The following SERTM1 variants were observed in gnomAD, a reference collection of about 807,000 sequenced individuals.
The protein encoded by SERTM1 is serine-rich and transmembrane domain-containing protein 1.
Under a neutral mutation model 5.5 loss-of-function variants are expected in SERTM1, and 1 was observed. That is an observed-to-expected ratio of 0.18 (90% CI 0.06 to 0.86). SERTM1 has a LOEUF of 0.86. SERTM1 is among the 40% of genes least tolerant of loss of function. SERTM1 has a pLI of 0.69. For synonymous variants in SERTM1, 52 were observed against 55.1 expected, an observed-to-expected ratio of 0.94 and a Z score of 0.25; for missense variants, 91 against 122.4, an observed-to-expected ratio of 0.74 and a Z score of 1.21.
rs540355332 is a variant in SERTM1, at chr13:36,678,000, T to C, written c.-174+3816T>C. 7.9e-5 allele frequency among the ~76,000 whole-genome samples: 12 copies of C among 151,820 alleles called. No individual in the cohort carries two copies. In the East Asian group the frequency reaches 2.1e-3, roughly 27 times the overall value. ...AACTTTGAAAAAAAAATGGTAGAAA[T>C]GAACCATTTCAAAGGTTTGTGTTAA... On this transcript the variant is annotated intron_variant, in intron 1 of 1. Coordinates refer to ENST00000315190, the MANE Select transcript of SERTM1 (RefSeq NM_203451.3).
intron 1 of SERTM1, among the ~76,000 whole-genome samples, chr13:36,682,572 A>T (rs1305081948): frequency 1.3e-5 from 2 of 152,186 alleles, no homozygotes; most frequent in African/African-American, 4.8e-5. Flanking sequence ...AGTTAGGGAG[A>T]GGATATGTAC....
chr13:36,691,898 T>C (rs2138098035), intron 1 of SERTM1, among the ~76,000 whole-genome samples: 1 of 152,312 alleles, frequency 6.6e-6, no homozygotes, highest in South Asian at 2.1e-4. Context: ...CTGAGCATTA[T>C]ACAGCTACTG....
intron 1 of SERTM1, among the ~76,000 whole-genome samples, chr13:36,681,710 G>A (rs1186540855): frequency 6.6e-6 from 1 of 152,204 alleles, no homozygotes; most frequent in Non-Finnish European, 1.5e-5. Flanking sequence ...AATTATCATG[G>A]AGTTTAAGAA....
intron 1 of SERTM1, among the ~76,000 whole-genome samples, chr13:36,680,025 C>T (rs1457654590): frequency 1.3e-5 from 2 of 152,148 alleles, no homozygotes; most frequent in Non-Finnish European, 2.9e-5. Context: ...TGTGTTTAGG[C>T]TTGAGTCCCA....
intron 1 of SERTM1, among the ~76,000 whole-genome samples, chr13:36,694,200 G>A (rs2056798216): frequency 6.6e-6 from 1 of 152,184 alleles, no homozygotes; most frequent in South Asian, 2.1e-4. Flanking sequence ...GTTTCCCAAA[G>A]ATAATGGAGA....
chr13:36,686,641 T>C (rs2138091785), intron 1 of SERTM1, among the ~76,000 whole-genome samples: 1 of 152,330 alleles, frequency 6.6e-6, no homozygotes, highest in African/African-American at 2.4e-5. Flanking sequence ...TATGGCTAGA[T>C]ACTTCAATAT....
chr13:36,682,778 G>A (rs1200540797), intron 1 of SERTM1, among the ~76,000 whole-genome samples: 1 of 152,160 alleles, frequency 6.6e-6, no homozygotes, highest in Non-Finnish European at 1.5e-5. Context: ...AATTATAGAT[G>A]CATTAGACTC....
intron 1 of SERTM1, among the ~76,000 whole-genome samples, chr13:36,674,773 G>A (rs998320972): frequency 1.4e-4 from 22 of 152,074 alleles, no homozygotes; most frequent in African/African-American, 5.3e-4. Context: ...GAGTCTTTTC[G>A]CCCGTCTTAG....
intron 1 of SERTM1, among the ~76,000 whole-genome samples, chr13:36,681,686 T>G (rs552020019): frequency 6.6e-6 from 1 of 152,228 alleles, no homozygotes; most frequent in Non-Finnish European, 1.5e-5. Context: ...GGATTTGTGA[T>G]TTTCAAAGGA....
At chr13:36,684,021 G>T (rs1285400090) in intron 1 of SERTM1, among the ~76,000 whole-genome samples, 1 of 152,194 alleles carries the variant, frequency 6.6e-6, no homozygotes, top group Non-Finnish European at 1.5e-5. Context: ...GAGCTTGTGG[G>T]GCGCAGTGGC....
At chr13:36,680,382 T>C (rs1416718824) in intron 1 of SERTM1, among the ~76,000 whole-genome samples, 1 of 152,122 alleles carries the variant, frequency 6.6e-6, no homozygotes, top group East Asian at 1.9e-4. Context: ...TTGGCACATA[T>C]TTTGATTCAT....
At chr13:36,692,142 G>A (rs1018985659) in intron 1 of SERTM1, among the ~76,000 whole-genome samples, 15 of 152,170 alleles carry the variant, frequency 9.9e-5, no homozygotes, top group Non-Finnish European at 1.8e-4. Flanking sequence ...GTTGTGAAAT[G>A]TCAAATAAGG....
At chr13:36,676,651 A>G (rs890312328) in intron 1 of SERTM1, among the ~76,000 whole-genome samples, 1 of 152,156 alleles carries the variant, frequency 6.6e-6, no homozygotes, top group Admixed American at 6.5e-5. Flanking sequence ...AATATTTGTT[A>G]AATGAAACTA....
At chr13:36,686,955 A>G (rs753609213) in intron 1 of SERTM1, among the ~76,000 whole-genome samples, 2 of 152,208 alleles carry the variant, frequency 1.3e-5, no homozygotes, top group Non-Finnish European at 2.9e-5. Context: ...TAAGCTGCCA[A>G]TTAATAGGCA....
chr13:36,685,062 A>AATAT (rs2056731255), intron 1 of SERTM1, among the ~76,000 whole-genome samples: 1 of 152,236 alleles, frequency 6.6e-6, no homozygotes, highest in African/African-American at 2.4e-5. Context: ...TGTCTTTGAC[A>AATAT]GGCTCTGGTC....
chr13:36,686,831 T>G (rs750310528), intron 1 of SERTM1, among the ~76,000 whole-genome samples: 2 of 152,158 alleles, frequency 1.3e-5, no homozygotes, highest in Admixed American at 6.6e-5. Context: ...TTGAGGATCC[T>G]TATAAGGGAA....
rs1056706357 is a variant in SERTM1 at position 36,697,106 on chromosome 13, C to T, written c.*1704C>T. On this transcript the variant is annotated 3_prime_UTR_variant, in exon 2 of 2. Transcript: ENST00000315190. Reference sequence around the variant, plus strand: ...TATATATCAAAAACGTCCCCAAACACCATAAGACCAGCACAGAGTTGCTGC... The same window carrying T: ...TATATATCAAAAACGTCCCCAAACATCATAAGACCAGCACAGAGTTGCTGC... 1 of 166,810 alleles carries T rather than the reference C, an allele frequency of 6.0e-6. No individual in the cohort carries two copies. Among genetic ancestry groups the T allele is most frequent in the African/African-American group, 2.4e-5 (1 of 41,342 alleles). 10.3% of individuals were successfully genotyped at this position (166,810 alleles called of 1,614,324 possible).
chr13:36,674,942 G>C (rs529217259), intron 1 of SERTM1, among the ~76,000 whole-genome samples: 88 of 152,222 alleles, frequency 5.8e-4, no homozygotes, highest in African/African-American at 2.1e-3. Context: ...TTTCCCTGTC[G>C]AGGTGTGCGA....
chr13:36,676,284 A>G (rs2056669455), intron 1 of SERTM1, among the ~76,000 whole-genome samples: 1 of 152,078 alleles, frequency 6.6e-6, no homozygotes, highest in African/African-American at 2.4e-5. Flanking sequence ...TAAAAAAGAA[A>G]GACTAACTCA....
Sources: gnomAD v4.1 joint callset for allele counts (sites outside exome capture counted in the v4.1 genomes callset) on GRCh38, gnomAD v4.1.1 for gene constraint, MANE v1.5 for transcripts, NCBI Gene and HGNC (gene_info 2026-07-23, HGNC 2026-07-21) for gene names.